The following FHIT variants were observed in gnomAD, a reference collection of about 807,000 sequenced individuals.
FHIT encodes fragile histidine triad diadenosine triphosphatase, also known as bis(5'-adenosyl)-triphosphatase.
FHIT carries 19 observed loss-of-function variants against 17.9 expected under a neutral mutation model. That is an observed-to-expected ratio of 1.06 (90% confidence interval 0.74 to 1.56). FHIT has a LOEUF of 1.56. FHIT is among the 40% of genes most tolerant of loss of function. FHIT has a pLI of 0.00. For missense variants in FHIT, 248 were observed against 189.2 expected (o/e 1.31, Z -1.82); for synonymous variants, 81 against 69.7 (o/e 1.16, Z -0.81).
intron 5 of FHIT, among the ~76,000 whole-genome samples, chr3:60,046,450 C>T (rs551310994): frequency 4.6e-5 from 7 of 152,286 alleles, no homozygotes; most frequent in African/African-American, 7.2e-5. Context: ...GAAGAGGGCT[C>T]GGCCAGCTGA....
intron 4 of FHIT, among the ~76,000 whole-genome samples, chr3:60,777,743 G>T (rs146691064): frequency 4.1e-4 from 62 of 152,296 alleles, no homozygotes; most frequent in African/African-American, 1.5e-3. Context: ...GCCACAGTCA[G>T]ATTGGAAAGT....
chr3:60,380,156 C>G (rs954889110), intron 5 of FHIT, among the ~76,000 whole-genome samples: 24 of 152,098 alleles, frequency 1.6e-4, no homozygotes, highest in African/African-American at 5.8e-4. Flanking sequence ...GGAGGTGGGG[C>G]CTGGTAGGAG....
chr3:60,192,043 G>A (rs1302658342), intron 5 of FHIT, among the ~76,000 whole-genome samples: 1 of 152,040 alleles, frequency 6.6e-6, no homozygotes, highest in Non-Finnish European at 1.5e-5. Flanking sequence ...TTGAGACCAG[G>A]AGTTCGAGAC....
intron 8 of FHIT, among the ~76,000 whole-genome samples, chr3:59,913,268 T>G (rs1704970087): frequency 6.6e-6 from 1 of 152,132 alleles, no homozygotes; most frequent in Non-Finnish European, 1.5e-5. Context: ...ATTTGGGATT[T>G]AGTACTGGAA....
intron 5 of FHIT, among the ~76,000 whole-genome samples, chr3:60,240,541 C>T (rs748846425): frequency 1.6e-4 from 24 of 152,090 alleles, no homozygotes; most frequent in Non-Finnish European, 2.6e-4. Context: ...AAAAACATCA[C>T]GGAAGCACAA....
At position 60,386,736 on chromosome 3, in the gene FHIT, A is replaced by T. The variant is rs534884783; in HGVS notation, c.103+150124T>A. Among the ~76,000 whole-genome samples, 13 of 152,302 alleles carry T rather than the reference A, an allele frequency of 8.5e-5. No homozygotes were observed. The East Asian group carries it at 2.5e-3, about 29-fold the overall frequency. The stretch of plus-strand genomic sequence containing the variant: ...TACCTGCAAAAGAGCAGTACCTAAC[A>T]AAGAAACCAACCTACACTCTCATTT... On this transcript the variant is annotated intron_variant, in intron 5 of 9. Coordinates refer to ENST00000492590, the MANE Select transcript of FHIT (RefSeq NM_002012.4).
chr3:59,940,877 C>T (rs1222457534), intron 7 of FHIT, among the ~76,000 whole-genome samples: 1 of 152,176 alleles, frequency 6.6e-6, no homozygotes, highest in South Asian at 2.1e-4. Flanking sequence ...CAGATCTCTG[C>T]TCAAGTGTTA....
In FHIT at chr3:60,037,432, G is replaced by T. The variant is rs138708834; in HGVS notation, c.104-23280C>A. 6.5e-3 allele frequency among the ~76,000 whole-genome samples: 934 copies of T among 144,660 alleles called. 6 individuals are homozygous for T. Among genetic ancestry groups the T allele is most frequent in the African/African-American group, 0.023 (876 of 38,576 alleles). 94.9% of individuals were successfully genotyped at this position (144,660 alleles called of 152,430 possible). A position where few individuals can be genotyped will look rare whatever the true frequency, so the allele number is the denominator to read the frequency against. The stretch of plus-strand genomic sequence containing the variant: ...GAGACGGAGTCTTGCTCTGTCGCCC[G>T]AGTGCAGTGGCGAAATCTTGGCTCA... On this transcript the variant is annotated intron_variant, in intron 5 of 9. Transcript: ENST00000492590.
In FHIT at chr3:59,909,655, G is replaced by C. The variant is rs74514378; in HGVS notation, c.348+12691C>G. Among the ~76,000 whole-genome samples, 792 of 152,014 alleles carry C rather than the reference G, an allele frequency of 5.2e-3. 12 individuals carry two copies. Among genetic ancestry groups the C allele is most frequent in the African/African-American group, 0.018 (761 of 41,440 alleles). The stretch of plus-strand genomic sequence containing the variant: ...AAATACCAAAAAAGTCACCTCTTTG[G>C]GTGTTTCAGCTACTTAGCTAGCTCA... On this transcript the variant is annotated intron_variant, in intron 8 of 9. Transcript: ENST00000492590.
intron 5 of FHIT, among the ~76,000 whole-genome samples, chr3:60,295,189 A>G (rs964624489): frequency 6.6e-6 from 1 of 152,090 alleles, no homozygotes; most frequent in African/African-American, 2.4e-5. Flanking sequence ...GTTTGAGGCT[A>G]CAGTGGGCTA....
chr3:61,111,236 C>G lies in FHIT; in HGVS notation c.-163-69137G>C, dbSNP rs918795373. Among the ~76,000 whole-genome samples the G allele has an allele frequency of 3.3e-5, 5 of 152,176 alleles. No homozygotes were observed. In the East Asian group the frequency reaches 5.8e-4, roughly 18 times the overall value. ...GTAAAATGAATGGCTACACCAGGCT[C>G]TCTCTAGCATTTATTCCAAATGATA... On this transcript the variant is annotated intron_variant, in intron 2 of 9. Transcript: ENST00000492590.
At chr3:61,142,811 T>G (rs963546241) in intron 2 of FHIT, among the ~76,000 whole-genome samples, 7 of 152,202 alleles carry the variant, frequency 4.6e-5, no homozygotes, top group African/African-American at 1.7e-4. Context: ...TGTTAGCCTG[T>G]AATGAACATA....
rs142960415 is a variant in FHIT at position 60,551,091 on chromosome 3, G to A, written c.-17-14112C>T. On this transcript the variant is annotated intron_variant, in intron 4 of 9. Transcript: ENST00000492590. ...GTTCCAGATGGAGGAAACAGCAATT[G>A]CCAAGGCAAGAATGATCTCAAGATC... Among the ~76,000 whole-genome samples the A allele has an allele frequency of 1.6e-3, 250 of 152,182 alleles. 7 individuals carry two copies. Among genetic ancestry groups the A allele is most frequent in the Admixed American group, 0.01 (155 of 15,272 alleles).
chr3:60,930,362 A>T (rs1208058383), intron 3 of FHIT, among the ~76,000 whole-genome samples: 4 of 152,238 alleles, frequency 2.6e-5, no homozygotes, highest in African/African-American at 7.2e-5. Flanking sequence ...CAAAATTGAC[A>T]AATGGGATCT....
At chr3:60,746,469 C>T (rs540399080) in intron 4 of FHIT, among the ~76,000 whole-genome samples, 15 of 152,198 alleles carry the variant, frequency 9.9e-5, no homozygotes, top group Non-Finnish European at 1.9e-4. Flanking sequence ...GGTTCCGCCA[C>T]ACAATGCTTC....
Position 60,599,129 on chromosome 3 carries a change from C to T in FHIT, c.-17-62150G>A, listed in dbSNP as rs114225953. Among the ~76,000 whole-genome samples, 341 of 152,226 alleles carry T rather than the reference C, an allele frequency of 2.2e-3. 2 individuals are homozygous for T. The highest frequency in any genetic ancestry group is 0.01 in the Middle Eastern group (3 of 294). On this transcript the variant is annotated intron_variant, in intron 4 of 9. Coordinates refer to ENST00000492590, the MANE Select transcript of FHIT (RefSeq NM_002012.4). ...GGGGTGCCTACCAAAAACTTGATCC[C>T]GCCAGATCAGAAACCTGCCCAATCC...
chr3:61,221,907 T>C (rs1399968346), intron 1 of FHIT, among the ~76,000 whole-genome samples: 1 of 152,172 alleles, frequency 6.6e-6, no homozygotes, highest in Non-Finnish European at 1.5e-5. Flanking sequence ...ACATTCCACC[T>C]CCACCACGTG....
chr3:59,988,056 T>C lies in FHIT; in HGVS notation c.279+23315A>G, dbSNP rs1265811903. On this transcript the variant is annotated intron_variant, in intron 7 of 9. Coordinates refer to ENST00000492590, the MANE Select transcript of FHIT (RefSeq NM_002012.4). ...TTCCTGGGTAATTATTTCACACATT[T>C]GGGAGGTTTATAGGGAATGCGTATC... Among the ~76,000 whole-genome samples, 3 of 152,160 alleles carry C rather than the reference T, an allele frequency of 2.0e-5. No homozygotes were observed. The East Asian group carries it at 5.8e-4, about 29-fold the overall frequency.
intron 3 of FHIT, among the ~76,000 whole-genome samples, chr3:60,983,402 G>A (rs1021433782): frequency 2.0e-4 from 31 of 152,262 alleles, no homozygotes; most frequent in African/African-American, 6.5e-4. Context: ...CCCATCTTCT[G>A]AGGCAGGCTG....
Sources: gnomAD v4.1 joint callset for allele counts (sites outside exome capture counted in the v4.1 genomes callset) on GRCh38, gnomAD v4.1.1 for gene constraint, MANE v1.5 for transcripts, NCBI Gene and HGNC (gene_info 2026-07-23, HGNC 2026-07-21) for gene names.